Variants in ANKRD44 observed in about 807,000 individuals in gnomAD.
The protein encoded by ANKRD44 is serine/threonine-protein phosphatase 6 regulatory ankyrin repeat subunit B.
Under a neutral mutation model 116.0 loss-of-function variants are expected in ANKRD44, and 35 were observed. That is an observed-to-expected ratio of 0.30 (90% confidence interval 0.23 to 0.40). The LOEUF is 0.40. ANKRD44 is among the 10% of genes least tolerant of loss of function. ANKRD44 has a pLI of 1.00. For synonymous variants in ANKRD44, 435 were observed against 461.8 expected (o/e 0.94, Z 0.74); for missense variants, 1,014 against 1,242.6 (o/e 0.82, Z 2.77).
In ANKRD44 at chr2:197,187,637, G is replaced by A. The variant is rs533825998; in HGVS notation, c.28-531C>T. ...AAGAGGAAGAGACACCAGAGCTCACGTTCTCATTCTCTCTCTCTCTCTCTC... is the reference window on the plus strand; with the variant it reads ...AAGAGGAAGAGACACCAGAGCTCACATTCTCATTCTCTCTCTCTCTCTCTC... On this transcript the variant is annotated intron_variant, in intron 1 of 27. Transcript: ENST00000282272. Among the ~76,000 whole-genome samples, 35 of 141,524 alleles carry A rather than the reference G, an allele frequency of 2.5e-4. 1 individual carries two copies. In the East Asian group the frequency reaches 5.7e-3, roughly 23 times the overall value. 92.8% of individuals were successfully genotyped at this position (141,524 alleles called of 152,430 possible). A position where few individuals can be genotyped will look rare whatever the true frequency, so the allele number is the denominator to read the frequency against.
At chr2:197,060,583 T>C (rs1383012493) in intron 16 of ANKRD44, among the ~76,000 whole-genome samples, 1 of 152,200 alleles carries the variant, frequency 6.6e-6, no homozygotes, top group Non-Finnish European at 1.5e-5. Context: ...AAGAATACAA[T>C]GCAGTATTAT....
At chr2:196,979,839 G>A (rs2075788318) in intron 21 of ANKRD44, among the ~76,000 whole-genome samples, 1 of 152,014 alleles carries the variant, frequency 6.6e-6, no homozygotes, top group African/African-American at 2.4e-5. Context: ...TGGGATTACA[G>A]GCATGAGCCA....
At chr2:197,053,035 G>C (rs1574358485) in intron 16 of ANKRD44, among the ~76,000 whole-genome samples, 1 of 152,152 alleles carries the variant, frequency 6.6e-6, no homozygotes, top group East Asian at 1.9e-4. Context: ...GCCAGGCATA[G>C]TGGTGCGTGC....
At chr2:197,229,395 T>G (rs144444063) in intron 1 of ANKRD44, among the ~76,000 whole-genome samples, 17 of 152,296 alleles carry the variant, frequency 1.1e-4, no homozygotes, top group Non-Finnish European at 2.4e-4. Context: ...TTGATATACT[T>G]TCATACATGT....
intron 16 of ANKRD44, among the ~76,000 whole-genome samples, chr2:197,035,621 G>A (rs1189548303): frequency 6.6e-6 from 1 of 152,160 alleles, no homozygotes; most frequent in Non-Finnish European, 1.5e-5. Flanking sequence ...CTATGAAGGG[G>A]TGGAAGCAGG....
At position 197,204,701 on chromosome 2, in the gene ANKRD44, C is replaced by T. The variant is rs2081168217; in HGVS notation, c.28-17595G>A. On this transcript the variant is annotated intron_variant, in intron 1 of 27. Transcript: ENST00000282272. ...TATTTTTCAAACACCACAGGCCAAACAAAACACATCTGTGGACCGGATGTA... is the reference window on the plus strand; with the variant it reads ...TATTTTTCAAACACCACAGGCCAAATAAAACACATCTGTGGACCGGATGTA... Among the ~76,000 whole-genome samples, 4 of 152,180 alleles carry T rather than the reference C, an allele frequency of 2.6e-5. No homozygotes were observed. The South Asian group carries it at 8.3e-4, about 31-fold the overall frequency.
chr2:197,177,925 G>A (rs936060975), intron 2 of ANKRD44, among the ~76,000 whole-genome samples: 1 of 152,120 alleles, frequency 6.6e-6, no homozygotes, highest in Admixed American at 6.6e-5. Flanking sequence ...TCATGTGGAT[G>A]TTCTGCAATA....
At position 197,295,510 on chromosome 2, in the gene ANKRD44, TC is replaced by T. The variant is rs201988666; in HGVS notation, c.27+15067del. Reference sequence around the variant, plus strand: ...TTTCAATCACTTAATATAAAAACTATCCTTGGCTCACGGGCCATTTAAAGCA... The same window carrying T: ...TTTCAATCACTTAATATAAAAACTATCTTGGCTCACGGGCCATTTAAAGCA... On this transcript the variant is annotated intron_variant, in intron 1 of 27. Transcript: ENST00000282272. Among the ~76,000 whole-genome samples, 739 of 152,296 alleles carry T rather than the reference TC, an allele frequency of 4.9e-3. 9 individuals carry two copies. The highest frequency in any genetic ancestry group is 0.017 in the African/African-American group (696 of 41,564).
At chr2:197,283,855 T>C (rs2083332787) in intron 1 of ANKRD44, among the ~76,000 whole-genome samples, 1 of 152,170 alleles carries the variant, frequency 6.6e-6, no homozygotes, top group Non-Finnish European at 1.5e-5. Context: ...GCGCAATGTC[T>C]GATAAAGGAG....
Position 197,212,075 on chromosome 2 carries a change from C to CAT in ANKRD44, c.28-24970_28-24969insAT, listed in dbSNP as rs1310011496. The stretch of plus-strand genomic sequence containing the variant: ...TCTCACACACACACACACACACACA[C>CAT]CCCACAGCACCACTTTGGGGGAAGG... On this transcript the variant is annotated intron_variant, in intron 1 of 27. Transcript: ENST00000282272. The surrounding 1 kb of genome is among the most constrained non-coding windows in gnomAD (Gnocchi z 4.8). Among the ~76,000 whole-genome samples the CAT allele has an allele frequency of 6.8e-6, 1 of 146,502 alleles. No homozygotes were observed. The highest frequency in any genetic ancestry group is 1.5e-5 in the Non-Finnish European group (1 of 65,840).
At chr2:197,113,335 GTGA>G (rs2078633268) in intron 8 of ANKRD44, among the ~76,000 whole-genome samples, 1 of 152,196 alleles carries the variant, frequency 6.6e-6, no homozygotes, top group South Asian at 2.1e-4. Flanking sequence ...CAATTAAAAA[GTGA>G]TGACACTTCA....
At chr2:196,980,939 T>C (rs2075797203) in intron 21 of ANKRD44, among the ~76,000 whole-genome samples, 1 of 152,246 alleles carries the variant, frequency 6.6e-6, no homozygotes, top group Non-Finnish European at 1.5e-5. Context: ...TTTGCTTCAA[T>C]TCTATGATAA....
At chr2:197,042,131 T>TTG (rs951090737) in intron 16 of ANKRD44, among the ~76,000 whole-genome samples, 7 of 152,162 alleles carry the variant, frequency 4.6e-5, no homozygotes, top group Non-Finnish European at 8.8e-5. Flanking sequence ...AAGCCTGATT[T>TTG]TGTGTGTGTG....
intron 16 of ANKRD44, among the ~76,000 whole-genome samples, chr2:197,025,706 G>A (rs892114467): frequency 6.6e-6 from 1 of 152,232 alleles, no homozygotes; most frequent in Non-Finnish European, 1.5e-5. Flanking sequence ...AAAATACGGG[G>A]ATGTGATATG....
intron 9 of ANKRD44, among the ~76,000 whole-genome samples, chr2:197,109,686 A>G (rs2078519440): frequency 6.6e-6 from 1 of 151,684 alleles, no homozygotes; most frequent in South Asian, 2.1e-4. Flanking sequence ...GAATTTTGAG[A>G]AGTAGAAGTA....
At chr2:197,119,677 G>A (rs1412188712) in intron 8 of ANKRD44, among the ~76,000 whole-genome samples, 1 of 152,154 alleles carries the variant, frequency 6.6e-6, no homozygotes, top group East Asian at 1.9e-4. Flanking sequence ...TATTAAAATA[G>A]ACTGATGTGA....
chr2:197,011,264 G>A, intron 18 of ANKRD44, among the ~76,000 whole-genome samples: 1 of 152,112 alleles, frequency 6.6e-6, no homozygotes, highest in Non-Finnish European at 1.5e-5. Flanking sequence ...TCCTCTTTCT[G>A]TAGCAACTTA....
At chr2:197,260,645 G>A (rs1168253887) in intron 1 of ANKRD44, among the ~76,000 whole-genome samples, 1 of 152,052 alleles carries the variant, frequency 6.6e-6, no homozygotes, top group Admixed American at 6.5e-5. Context: ...CTAGATCCCT[G>A]AGGAATCTCC....
chr2:197,081,612 G>A, intron 15 of ANKRD44, 33 bp downstream of exon 15: 1 of 1,587,744 alleles, frequency 6.3e-7, no homozygotes, highest in Non-Finnish European at 8.6e-7. Context: ...CGTCAGAAAT[G>A]GCACCTTGTT....
Sources: allele counts gnomAD v4.1 joint callset (sites outside exome capture counted in the v4.1 genomes callset), GRCh38; gene constraint gnomAD v4.1.1; non-coding constraint Gnocchi (gnomAD v3.1); transcripts MANE v1.5; gene names NCBI Gene and HGNC (gene_info 2026-07-23, HGNC 2026-07-21).